Variants in ZFR observed in about 807,000 individuals in gnomAD.
ZFR encodes the protein zinc finger RNA binding protein.
Under a neutral mutation model 130.7 loss-of-function variants are expected in ZFR, and 19 were observed. The ratio of observed to expected loss-of-function variants is 0.15; its 90% CI spans 0.10 to 0.21. The LOEUF is 0.21. Among genes scored for constraint, ZFR ranks in the 10% least tolerant of loss-of-function variants. The pLI is 1.00. For missense variants in ZFR, 872 were observed against 1,321.5 expected, an observed-to-expected ratio of 0.66 and a Z score of 5.27; for synonymous variants, 466 against 456.9, an observed-to-expected ratio of 1.02 and a Z score of -0.25.
chr5:32,373,797 A>G (rs984727758), intron 17 of ZFR, among the ~76,000 whole-genome samples: 1 of 152,154 alleles, frequency 6.6e-6, no homozygotes, highest in African/African-American at 2.4e-5. Flanking sequence ...ATACTAATGT[A>G]TTTGTTGTTA....
In ZFR at chr5:32,434,345, C is replaced by T. The variant is rs182286723; in HGVS notation, c.137+9884G>A. On this transcript the variant is annotated intron_variant, in intron 2 of 19. Coordinates refer to ENST00000265069, the MANE Select transcript of ZFR (RefSeq NM_016107.5). ...ACATTATCATTGGTCTAGAGCGGTG[C>T]TTTTTGCATTCATCTTATGATCTAT... 2.8e-4 allele frequency among the ~76,000 whole-genome samples: 43 copies of T among 152,302 alleles called. 1 individual carries two copies. The highest frequency in any genetic ancestry group is 2.1e-3 in the Admixed American group (32 of 15,294).
chr5:32,357,525 C>T (rs1318724675), intron 19 of ZFR, among the ~76,000 whole-genome samples: 3 of 152,252 alleles, frequency 2.0e-5, no homozygotes, highest in Admixed American at 6.5e-5. Flanking sequence ...CTTGGCCTCC[C>T]GAAGTGCTGG....
intron 8 of ZFR, among the ~76,000 whole-genome samples, chr5:32,401,488 A>G (rs1753447508): frequency 6.6e-6 from 1 of 152,236 alleles, no homozygotes. Flanking sequence ...AATGACGTTT[A>G]AAAAGAAAAA....
At chr5:32,423,421 G>C (rs1327124831) in intron 2 of ZFR, among the ~76,000 whole-genome samples, 1 of 151,916 alleles carries the variant, frequency 6.6e-6, no homozygotes, top group Non-Finnish European at 1.5e-5. Context: ...ACTATAAACT[G>C]CAAAACAAGT....
chr5:32,371,410 A>G (rs1023628597), intron 17 of ZFR, among the ~76,000 whole-genome samples: 2 of 152,196 alleles, frequency 1.3e-5, no homozygotes, highest in African/African-American at 2.4e-5. Flanking sequence ...GCATTTCAGG[A>G]AAAAATGTAA....
intron 19 of ZFR, among the ~76,000 whole-genome samples, chr5:32,362,499 A>G (rs1189690904): frequency 6.6e-6 from 1 of 152,214 alleles, no homozygotes; most frequent in Non-Finnish European, 1.5e-5. Flanking sequence ...CACCAGTTAT[A>G]TATGCACTAA....
intron 10 of ZFR, among the ~76,000 whole-genome samples, 179 bp from the exon 11 acceptor site, chr5:32,395,483 A>G (rs1482557089): frequency 6.6e-6 from 1 of 152,226 alleles, no homozygotes; most frequent in African/African-American, 2.4e-5. Context: ...ATACATTAAT[A>G]AAAATTATGT....
intron 2 of ZFR, among the ~76,000 whole-genome samples, chr5:32,434,790 G>C (rs556694453): frequency 6.6e-6 from 1 of 152,082 alleles, no homozygotes; most frequent in Non-Finnish European, 1.5e-5. Flanking sequence ...AGGCCTCTAA[G>C]AAATAAAAGT....
intron 14 of ZFR, among the ~76,000 whole-genome samples, chr5:32,386,946 A>G (rs931161857): frequency 1.3e-5 from 2 of 152,076 alleles, no homozygotes; most frequent in East Asian, 1.9e-4. Context: ...AATATATAAA[A>G]TTTTTATAAA....
rs757275046 is a variant in ZFR, at chr5:32,415,065, C to T, written c.688G>A (p.Val230Ile). The T allele has an allele frequency of 2.5e-6, 4 of 1,614,068 alleles. No homozygotes were observed. Among genetic ancestry groups the T allele is most frequent in the Non-Finnish European group, 2.5e-6 (3 of 1,179,982 alleles). Residue 230 changes from valine (V) to isoleucine (I), a missense_variant, in exon 5 of 20, where the codon GTA becomes ATA. Val to Ile is a conservative substitution (Grantham distance 29). Around this residue, in one of 7 missense-constraint regions of ZFR, gnomAD observed 240 missense variants for 441.2 expected, o/e 0.54. Transcript: ENST00000265069. The stretch of plus-strand genomic sequence containing the variant: ...GCTACTGGCTGTACGGTGGAGGATA[C>T]AGGATAGATGGAGAAAGTAGTGGTA... ...PATTTFSIYP[V>I]SSTVQPVAAA...
chr5:32,441,368 G>A (rs539817200), intron 2 of ZFR, among the ~76,000 whole-genome samples: 1 of 152,298 alleles, frequency 6.6e-6, no homozygotes, highest in South Asian at 2.1e-4. Context: ...CATAAATACA[G>A]TCATCCCTCC....
At chr5:32,392,872 G>A (rs989116021) in intron 11 of ZFR, among the ~76,000 whole-genome samples, 1 of 152,148 alleles carries the variant, frequency 6.6e-6, no homozygotes, top group Non-Finnish European at 1.5e-5. Context: ...GCAGGTGCCT[G>A]TAATCCCAAC....
intron 2 of ZFR, among the ~76,000 whole-genome samples, chr5:32,438,603 T>C (rs1438713335): frequency 6.6e-6 from 1 of 152,148 alleles, no homozygotes; most frequent in Non-Finnish European, 1.5e-5. Context: ...TGTACTCTTA[T>C]TACTTCTCAT....
intron 9 of ZFR, among the ~76,000 whole-genome samples, chr5:32,399,019 T>C (rs1753382091): frequency 6.6e-6 from 1 of 151,982 alleles, no homozygotes; most frequent in African/African-American, 2.4e-5. Context: ...CTCACGCCTG[T>C]AATCACAGCA....
At position 32,364,178 on chromosome 5, in the gene ZFR, C is replaced by T; in HGVS notation, c.2933G>A (p.Gly978Glu). 6.2e-7 allele frequency: 1 copy of T among 1,611,494 alleles called. No individual in the cohort carries two copies. ...GTAAGAGTTACCTTTAAGAATAATC[C>T]CTGAAGAAATGCATTCAAAAACTCT... is the stretch of plus-strand genomic sequence containing the variant. ...LRRVFECISS[G>E]IILKGSPGLL... The change falls in exon 18 of 20, where the codon GGG (glycine) becomes GAG (glutamate). Residue 978 changes from glycine to glutamate, a missense_variant. Physicochemically the swap from Gly to Glu is moderately conservative, Grantham distance 98. Around this residue, in one of 7 missense-constraint regions of ZFR, gnomAD observed 158 missense variants for 264.0 expected, o/e 0.60. Transcript: ENST00000265069.
At position 32,403,891 on chromosome 5, in the gene ZFR, G is replaced by GA. The variant is rs767945856; in HGVS notation, c.1224+14dup. On this transcript the variant is annotated intron_variant, in intron 7 of 19. Transcript: ENST00000265069. Reference sequence around the variant, plus strand: ...AGAATCAAGGCATAAGGGTGTGTGGGAAAAAAACACCTACTTTCTGATGCT... The same window carrying GA: ...AGAATCAAGGCATAAGGGTGTGTGGGAAAAAAAACACCTACTTTCTGATGCT... The GA allele has an allele frequency of 1.3e-6, 2 of 1,556,996 alleles. No homozygotes were observed. The highest frequency in any genetic ancestry group is 2.3e-5 in the East Asian group (1 of 44,158).
intron 15 of ZFR, among the ~76,000 whole-genome samples, chr5:32,385,080 T>C (rs1170603476): frequency 1.3e-5 from 2 of 152,090 alleles, no homozygotes; most frequent in African/African-American, 4.8e-5. Flanking sequence ...TACGAATACT[T>C]AGCCAATTTT....
chr5:32,412,544 C>G (rs1322246166), intron 5 of ZFR, among the ~76,000 whole-genome samples: 1 of 152,186 alleles, frequency 6.6e-6, no homozygotes, highest in Non-Finnish European at 1.5e-5. Flanking sequence ...CAAATACATA[C>G]AAAGCCCAGC....
chr5:32,378,043 C>T (rs1426007005), intron 17 of ZFR, among the ~76,000 whole-genome samples: 2 of 152,134 alleles, frequency 1.3e-5, no homozygotes, highest in Non-Finnish European at 2.9e-5. Flanking sequence ...GTGATAATAT[C>T]CCAGAACTAT....
Sources: allele counts gnomAD v4.1 joint callset (sites outside exome capture counted in the v4.1 genomes callset), GRCh38; gene constraint gnomAD v4.1.1; regional missense constraint gnomAD v4.1.1; transcripts MANE v1.5; gene names NCBI Gene and HGNC (gene_info 2026-07-23, HGNC 2026-07-21).